The following CPAMD8 variants were observed in gnomAD, a reference collection of about 807,000 sequenced individuals.
CPAMD8 encodes C3 and PZP like alpha-2-macroglobulin domain containing 8.
CPAMD8 carries 146 observed loss-of-function variants against 224.7 expected under a neutral mutation model. The ratio of observed to expected loss-of-function variants is 0.65; its 90% confidence interval spans 0.57 to 0.75. CPAMD8 has a LOEUF of 0.75. Ranked by LOEUF, CPAMD8 falls within the 30% of genes least tolerant of loss-of-function variation. The probability of loss-of-function intolerance (pLI) is 0.00; values close to 1 mark genes in which losing one functional copy is unlikely to be tolerated. For synonymous variants in CPAMD8, 966 were observed against 1,044.6 expected (o/e 0.92, Z 1.45); for missense variants, 2,301 against 2,537.5 (o/e 0.91, Z 2.00).
chr19:16,908,735 TG>T (rs1398350490), intron 29 of CPAMD8, among the ~76,000 whole-genome samples: 1 of 152,150 alleles, frequency 6.6e-6, no homozygotes, highest in Non-Finnish European at 1.5e-5. Context: ...AGGACAAACG[TG>T]GGAACTGTCC....
Position 16,915,177 on chromosome 19 carries a change from C to A in CPAMD8, c.3630-364G>T, listed in dbSNP as rs2052900576. On this transcript the variant is annotated intron_variant, in intron 27 of 41. Transcript: ENST00000443236. The stretch of plus-strand genomic sequence containing the variant: ...ACCTCACAGCCATTTCTTGCTTGGT[C>A]CTTGCCAAAAGGCCCCTGATCTCAT... Among the ~76,000 whole-genome samples the A allele has an allele frequency of 2.6e-5, 4 of 152,126 alleles. No homozygotes were observed. The South Asian group carries it at 8.3e-4, about 32-fold the overall frequency.
intron 23 of CPAMD8, among the ~76,000 whole-genome samples, chr19:16,934,123 C>T (rs946932832): frequency 1.3e-5 from 2 of 152,060 alleles, no homozygotes; most frequent in Non-Finnish European, 2.9e-5. Flanking sequence ...CTGGAAAATA[C>T]AAACTAATCT....
Position 16,914,815 on chromosome 19 carries a change from T to A in CPAMD8, c.3630-2A>T. On this transcript the variant is annotated splice_acceptor_variant, in intron 27 of 41. Coordinates refer to ENST00000443236, the MANE Select transcript of CPAMD8 (RefSeq NM_015692.5). LOFTEE classifies it high-confidence loss of function. ...GACTTCAGGACAAAGGCTGTGAGCC[T>A]GAAAGAGGACAGGGTGTCAGCTGAG... The A allele has an allele frequency of 6.2e-7, 1 of 1,603,612 alleles. No individual in the cohort carries two copies. Among genetic ancestry groups the A allele is most frequent in the Non-Finnish European group, 8.5e-7 (1 of 1,174,454 alleles).
At position 17,011,745 on chromosome 19, in the gene CPAMD8, G is replaced by C. The variant is rs772253494; in HGVS notation, c.280C>G (p.Leu94Val). 3 of 1,613,522 alleles carry C rather than the reference G, an allele frequency of 1.9e-6. No individual in the cohort carries two copies. The highest frequency in any genetic ancestry group is 3.3e-5 in the Admixed American group (2 of 59,846). ...GTIKLKVPTGLRGQALLKVWG... is the reference protein window; with the variant it reads ...GTIKLKVPTGVRGQALLKVWG... Reference sequence around the variant, plus strand: ...ACTTTCAGAAGCGCTTGGCCCCGGAGGCCCGTGGGCACCTGCAGGCAGAGG... The same window carrying C: ...ACTTTCAGAAGCGCTTGGCCCCGGACGCCCGTGGGCACCTGCAGGCAGAGG... The change falls in exon 4 of 42, where the codon CTC (leucine) becomes GTC (valine). Residue 94 changes from leucine (L) to valine (V), a missense_variant. Around this residue, in one of 4 missense-constraint regions of CPAMD8, gnomAD observed 283 missense variants for 340.6 expected, o/e 0.83. Transcript: ENST00000443236.
chr19:16,893,574 G>A (rs530452951), intron 41 of CPAMD8: 15 of 444,158 alleles, frequency 3.4e-5, no homozygotes, highest in East Asian at 3.2e-4. Context: ...ATGGGCAAAT[G>A]CAGACATAAG....
chr19:17,012,553 T>A (rs1599913181), intron 3 of CPAMD8, among the ~76,000 whole-genome samples: 1 of 151,796 alleles, frequency 6.6e-6, no homozygotes, highest in African/African-American at 2.4e-5. Flanking sequence ...CTCACTCTAT[T>A]GCCCAGGCTG....
chr19:16,959,556 T>C (rs1401890257), intron 18 of CPAMD8, among the ~76,000 whole-genome samples: 1 of 151,886 alleles, frequency 6.6e-6, no homozygotes, highest in Non-Finnish European at 1.5e-5. Context: ...TTTTTTTTTT[T>C]TCGAGATGGA....
rs756342241 is a variant in CPAMD8 at position 16,904,385 on chromosome 19, G to A, written c.4115-23C>T. ...CCACTGCAATGGAAGAGGCCCACTGGGGACTTTTGACACAGGGACATGGAC... is the reference window on the plus strand; with the variant it reads ...CCACTGCAATGGAAGAGGCCCACTGAGGACTTTTGACACAGGGACATGGAC... On this transcript the variant is annotated intron_variant, in intron 31 of 41. Coordinates refer to ENST00000443236, the MANE Select transcript of CPAMD8 (RefSeq NM_015692.5). 6.8e-6 allele frequency: 11 copies of A among 1,614,024 alleles called. No homozygotes were observed. The East Asian group carries it at 1.6e-4, about 23-fold the overall frequency.
At chr19:16,935,930 A>ATT (rs112965775) in intron 23 of CPAMD8, among the ~76,000 whole-genome samples, 3,251 of 141,728 alleles carry the variant, frequency 0.023, 126 homozygotes, top group African/African-American at 0.08. Flanking sequence ...AGTGTTCACT[A>ATT]TTTTTTTTTT....
At chr19:17,026,458 G>A in intron 1 of CPAMD8, 93 bp downstream of exon 1, 1 of 1,298,230 alleles carries the variant, frequency 7.7e-7, no homozygotes, top group African/African-American at 1.6e-5. Flanking sequence ...AGGCTGTGTG[G>A]CCTTGGGCAG....
intron 6 of CPAMD8, 182 bp downstream of exon 6, chr19:17,009,121 C>T: frequency 1.2e-6 from 1 of 837,404 alleles, no homozygotes; most frequent in Non-Finnish European, 1.9e-6. Flanking sequence ...AACGGACAGA[C>T]ACACACACAG....
chr19:16,925,458 G>A (rs936367622), intron 25 of CPAMD8, 86 bp from the exon 26 acceptor site: 2 of 1,118,998 alleles, frequency 1.8e-6, no homozygotes, highest in African/African-American at 1.5e-5. Context: ...ATGGGAGACA[G>A]TGAGTGTCAT....
At chr19:17,025,136 C>T (rs1178326119) in intron 1 of CPAMD8, among the ~76,000 whole-genome samples, 3 of 152,210 alleles carry the variant, frequency 2.0e-5, no homozygotes. Context: ...ACGGGCCAGG[C>T]ACGGTGACTC....
At chr19:16,927,950 G>C in intron 25 of CPAMD8, 59 bp downstream of exon 25, 1 of 1,260,900 alleles carries the variant, frequency 7.9e-7, no homozygotes. Context: ...TAAGCCTGGA[G>C]TCTCAACTTC....
In CPAMD8 at chr19:16,902,852, G is replaced by A. The variant is rs2052318778; in HGVS notation, c.4482C>T (p.Thr1494=). 1 of 1,531,794 alleles carries A rather than the reference G, an allele frequency of 6.5e-7. No homozygotes were observed. The highest frequency in any genetic ancestry group is 8.8e-7 in the Non-Finnish European group (1 of 1,136,210). The allele number at this position is 1,531,794 out of a possible 1,614,324, so 94.9% of individuals were successfully genotyped here. ...TGGCCACCGGGTCAGGCACATTGTA[G>A]GTGACATCAATCTGGGGGGTGTTGG... The part of the protein sequence containing the change: ...DGCCLMQIDV[T]YNVPDPVAKP... Residue 1494 remains threonine (T), a synonymous_variant, in exon 35 of 42, where the codon ACC becomes ACT. Coordinates refer to ENST00000443236, the MANE Select transcript of CPAMD8 (RefSeq NM_015692.5).
At chr19:17,019,248 G>A (rs1313974380) in intron 3 of CPAMD8, among the ~76,000 whole-genome samples, 4 of 151,826 alleles carry the variant, frequency 2.6e-5, no homozygotes, top group South Asian at 4.2e-4. Context: ...CTCAGCCCCC[G>A]AGTAGCTGGG....
intron 13 of CPAMD8, among the ~76,000 whole-genome samples, chr19:16,987,195 T>A (rs1177874989): frequency 9.8e-5 from 12 of 122,426 alleles, no homozygotes; most frequent in African/African-American, 3.4e-4. Flanking sequence ...TATATATATA[T>A]ATATATATAT....
intron 13 of CPAMD8, among the ~76,000 whole-genome samples, chr19:16,983,607 A>C (rs116197662): frequency 0.012 from 1,790 of 152,130 alleles, 29 homozygotes; most frequent in African/African-American, 0.041. Context: ...GAAAGAATAA[A>C]ATTTTCAGAT....
At chr19:17,020,916 C>T (rs1391336284) in intron 2 of CPAMD8, among the ~76,000 whole-genome samples, 1 of 152,028 alleles carries the variant, frequency 6.6e-6, no homozygotes, top group African/African-American at 2.4e-5. Context: ...ATCTGCCCAG[C>T]ACACAACGCA....
Sources: allele counts gnomAD v4.1 joint callset (sites outside exome capture counted in the v4.1 genomes callset), GRCh38; gene constraint gnomAD v4.1.1; regional missense constraint gnomAD v4.1.1; transcripts MANE v1.5; gene names NCBI Gene and HGNC (gene_info 2026-07-23, HGNC 2026-07-21).